Variants in MACROD2 observed in about 807,000 individuals in gnomAD.
MACROD2 encodes the protein mono-ADP ribosylhydrolase 2.
MACROD2 carries 36 observed loss-of-function variants against 70.4 expected under a neutral mutation model. The ratio of observed to expected loss-of-function variants is 0.51; its 90% CI spans 0.39 to 0.68. The LOEUF is 0.68. Ranked by LOEUF, MACROD2 falls within the 30% of genes least tolerant of loss-of-function variation. The probability of loss-of-function intolerance (pLI) is 0.00; values close to 1 mark genes in which losing one functional copy is unlikely to be tolerated. For synonymous variants in MACROD2, 172 were observed against 178.8 expected (o/e 0.96, Z 0.30); for missense variants, 496 against 538.4 (o/e 0.92, Z 0.78).
intron 6 of MACROD2, among the ~76,000 whole-genome samples, chr20:15,426,281 C>T (rs1428995921): frequency 6.6e-6 from 1 of 151,782 alleles, no homozygotes; most frequent in African/African-American, 2.4e-5. Flanking sequence ...AAGTATTTCC[C>T]ACTTGGTGGC....
intron 8 of MACROD2, among the ~76,000 whole-genome samples, chr20:15,826,796 T>C (rs6135562): frequency 0.14 from 21,604 of 152,220 alleles, 2,060 homozygotes; most frequent in East Asian, 0.46. Flanking sequence ...ATCTTTGAAA[T>C]GATACGGCAT....
chr20:15,747,929 T>G (rs1319796035), intron 8 of MACROD2, among the ~76,000 whole-genome samples: 1 of 152,188 alleles, frequency 6.6e-6, no homozygotes, highest in East Asian at 1.9e-4. Context: ...TTTCTAGTTT[T>G]CTTTTTAAAT....
intron 5 of MACROD2, among the ~76,000 whole-genome samples, chr20:15,098,965 C>T (rs796938639): frequency 6.6e-6 from 1 of 152,328 alleles, no homozygotes; most frequent in African/African-American, 2.4e-5. Context: ...TAGAGACTTA[C>T]AAGTTTGCCA....
At chr20:15,620,326 C>T (rs556857579) in intron 8 of MACROD2, among the ~76,000 whole-genome samples, 2 of 152,106 alleles carry the variant, frequency 1.3e-5, no homozygotes, top group African/African-American at 4.8e-5. Context: ...GGTCTGGGGC[C>T]ATCAAAGAAG....
At chr20:14,757,021 T>A (rs929267769) in intron 5 of MACROD2, among the ~76,000 whole-genome samples, 14 of 152,232 alleles carry the variant, frequency 9.2e-5, no homozygotes, top group Non-Finnish European at 1.3e-4. Flanking sequence ...CATGCAGAAG[T>A]CAATTAAACT....
intron 8 of MACROD2, among the ~76,000 whole-genome samples, chr20:15,584,871 C>A (rs928378063): frequency 3.9e-5 from 6 of 152,246 alleles, no homozygotes; most frequent in Non-Finnish European, 5.9e-5. Context: ...CATCTCCCCC[C>A]TGACCTGTCC....
intron 2 of MACROD2, among the ~76,000 whole-genome samples, chr20:14,055,045 G>T (rs374665097): frequency 2.6e-5 from 4 of 152,078 alleles, no homozygotes; most frequent in African/African-American, 7.2e-5. Flanking sequence ...AAACTGAGAA[G>T]CTGCTGTACC....
intron 6 of MACROD2, among the ~76,000 whole-genome samples, chr20:15,305,150 A>G (rs1337207999): frequency 6.6e-6 from 1 of 152,122 alleles, no homozygotes; most frequent in East Asian, 1.9e-4. Context: ...GGGCTGGCCA[A>G]TGGATCCTTG....
chr20:14,061,990 C>T (rs946655611), intron 2 of MACROD2, among the ~76,000 whole-genome samples: 4 of 152,032 alleles, frequency 2.6e-5, no homozygotes, highest in African/African-American at 9.7e-5. Context: ...TTGCTTGGTT[C>T]TGTGGAACAC....
chr20:15,239,833 G>A (rs1053569676), intron 6 of MACROD2, among the ~76,000 whole-genome samples: 1 of 152,212 alleles, frequency 6.6e-6, no homozygotes, highest in Admixed American at 6.5e-5. Flanking sequence ...TGGTTATGCT[G>A]TGTTTGAATG....
At chr20:15,045,895 G>T (rs2075390946) in intron 5 of MACROD2, among the ~76,000 whole-genome samples, 1 of 151,952 alleles carries the variant, frequency 6.6e-6, no homozygotes, top group African/African-American at 2.4e-5. Context: ...CAGGAGAGCA[G>T]TATTTCTGAG....
intron 7 of MACROD2, among the ~76,000 whole-genome samples, chr20:15,486,522 A>C (rs764943908): frequency 6.6e-6 from 1 of 152,210 alleles, no homozygotes; most frequent in East Asian, 1.9e-4. Context: ...CGGTGAAGAC[A>C]TTGAGGAATA....
chr20:14,963,645 AC>A (rs2074604388), intron 5 of MACROD2, among the ~76,000 whole-genome samples: 1 of 152,200 alleles, frequency 6.6e-6, no homozygotes, highest in Non-Finnish European at 1.5e-5. Flanking sequence ...TGAAAACAAT[AC>A]TGAAAATGCC....
chr20:15,954,686 A>G (rs1472085838), intron 12 of MACROD2, among the ~76,000 whole-genome samples: 1 of 152,208 alleles, frequency 6.6e-6, no homozygotes, highest in Non-Finnish European at 1.5e-5. Flanking sequence ...ATTATGCAAT[A>G]TTAAAAAGAA....
intron 5 of MACROD2, among the ~76,000 whole-genome samples, chr20:15,155,630 A>G (rs1008421275): frequency 6.6e-6 from 1 of 152,160 alleles, no homozygotes; most frequent in African/African-American, 2.4e-5. Context: ...TGAGCCTATC[A>G]TGTATCTCTC....
At chr20:14,378,079 C>T (rs1400446632) in intron 3 of MACROD2, among the ~76,000 whole-genome samples, 1 of 152,162 alleles carries the variant, frequency 6.6e-6, no homozygotes, top group East Asian at 1.9e-4. Flanking sequence ...ATCAGAATTA[C>T]CTGGAGAGCT....
intron 4 of MACROD2, among the ~76,000 whole-genome samples, chr20:14,505,996 T>A (rs2123135199): frequency 6.6e-6 from 1 of 152,310 alleles, no homozygotes; most frequent in East Asian, 1.9e-4. Flanking sequence ...GCAACCTTGC[T>A]CCCACCCTCT....
chr20:14,404,373 T>C (rs568722847), intron 3 of MACROD2, among the ~76,000 whole-genome samples: 1 of 152,228 alleles, frequency 6.6e-6, no homozygotes, highest in East Asian at 1.9e-4. Flanking sequence ...ATGGCTGTAA[T>C]CCCAGCACTT....
chr20:15,371,058 G>T (rs935861726), intron 6 of MACROD2, among the ~76,000 whole-genome samples: 5 of 152,020 alleles, frequency 3.3e-5, no homozygotes, highest in African/African-American at 4.8e-5. Flanking sequence ...AGGTTACCTG[G>T]TTCAATTGTC....
Sources: allele counts gnomAD v4.1 joint callset (sites outside exome capture counted in the v4.1 genomes callset), GRCh38; gene constraint gnomAD v4.1.1; transcripts MANE v1.5; gene names NCBI Gene and HGNC (gene_info 2026-07-23, HGNC 2026-07-21).